Variants in MED13 observed in about 807,000 individuals in gnomAD.
MED13 encodes mediator complex subunit 13.
A neutral mutation model predicts 225.2 loss-of-function variants in MED13; 23 were observed. The observed-to-expected ratio is 0.10, with a 90% CI of 0.07 to 0.14. The LOEUF (loss-of-function observed/expected upper bound fraction) is 0.14. MED13 is among the 10% of genes least tolerant of loss of function. MED13 has a pLI of 1.00. For missense variants in MED13, 2,197 were observed against 2,594.5 expected, an observed-to-expected ratio of 0.85 and a Z score of 3.33; for synonymous variants, 942 against 889.2, an observed-to-expected ratio of 1.06 and a Z score of -1.06.
chr17:61,982,957 T>G lies in MED13; in HGVS notation c.3046A>C (p.Arg1016=). Residue 1016 remains arginine, a synonymous_variant, in exon 16 of 30, where the codon AGG becomes CGG. Coordinates refer to ENST00000397786, the MANE Select transcript of MED13 (RefSeq NM_005121.3). ...GCTCCACGAGGAGTCCGAGGAGTCC[T>G]TGGAGTCCTTGGAGTTGGAAACCGA... ...TPRFPTPRTP[R]TPRTPRGAGG... is the part of the protein sequence containing the mutation. 6.2e-7 allele frequency: 1 copy of G among 1,613,944 alleles called. No homozygotes were observed. Among genetic ancestry groups the G allele is most frequent in the East Asian group, 2.2e-5 (1 of 44,880 alleles).
At position 61,945,460 on chromosome 17, in the gene MED13, T is replaced by C. The variant is rs573329214; in HGVS notation, c.*1008A>G. ...AATTTAAGCATGTAACATTAAACAC[T>C]AAAATTAGTTTAAGCATTCAGTAGC... On this transcript the variant is annotated 3_prime_UTR_variant, in exon 30 of 30. Transcript: ENST00000397786. The C allele has an allele frequency of 5.2e-5, 8 of 152,734 alleles. No homozygotes were observed. The South Asian group carries it at 1.2e-3, about 24-fold the overall frequency. The allele number at this position is 152,734 out of a possible 1,614,324, so 9.5% of individuals were successfully genotyped here.
intron 1 of MED13, 36 bp downstream of exon 1, chr17:62,065,104 C>A (rs1423317110): frequency 1.3e-6 from 2 of 1,516,822 alleles, no homozygotes; most frequent in Admixed American, 4.2e-5. Context: ...ACCTCGCGGC[C>A]CCCCTCCCTC....
intron 19 of MED13, 31 bp downstream of exon 19, chr17:61,966,431 C>A: frequency 1.3e-6 from 2 of 1,547,338 alleles, no homozygotes; most frequent in South Asian, 1.2e-5. Context: ...TTGCTAACAC[C>A]AGCCTTATAC....
At chr17:62,015,944 ATATATATATATTTTTTTTTTT>A (rs1372236382) in intron 8 of MED13, among the ~76,000 whole-genome samples, 19 of 12,698 alleles carry the variant, frequency 1.5e-3, no homozygotes, top group Admixed American at 2.8e-3. Flanking sequence ...ATATATATAT[ATATATATATATTTTTTTTTTT>A]TTTTTTTTTT....
At chr17:62,058,859 A>G (rs974956351) in intron 2 of MED13, among the ~76,000 whole-genome samples, 1 of 152,250 alleles carries the variant, frequency 6.6e-6, no homozygotes, top group African/African-American at 2.4e-5. Flanking sequence ...AGTATGTATT[A>G]AATCAGACGT....
chr17:62,050,832 C>G (rs954322869), intron 3 of MED13, among the ~76,000 whole-genome samples: 5 of 152,054 alleles, frequency 3.3e-5, no homozygotes, highest in Non-Finnish European at 7.4e-5. Context: ...GGCAAAACCC[C>G]GTTTCTACTA....
At chr17:62,063,811 C>A (rs1166944621) in intron 1 of MED13, among the ~76,000 whole-genome samples, 3 of 152,194 alleles carry the variant, frequency 2.0e-5, no homozygotes, top group Non-Finnish European at 4.4e-5. Context: ...TAGCTACTCA[C>A]AAAGAACTGT....
chr17:62,062,085 G>A (rs908654909), intron 2 of MED13, among the ~76,000 whole-genome samples: 1 of 151,994 alleles, frequency 6.6e-6, no homozygotes. Context: ...AGATCCTATA[G>A]GTCAGAGATA....
chr17:62,065,130 C>A lies in MED13; in HGVS notation c.66+10G>T. The A allele has an allele frequency of 6.4e-7, 1 of 1,554,416 alleles. No individual in the cohort carries two copies. The highest frequency in any genetic ancestry group is 2.6e-5 in the East Asian group (1 of 39,034). On this transcript the variant is annotated intron_variant, in intron 1 of 29. Coordinates refer to ENST00000397786, the MANE Select transcript of MED13 (RefSeq NM_005121.3). The stretch of plus-strand genomic sequence containing the variant: ...CCCCTCCCTCGGCGCCCGCCGGCCC[C>A]GGCACTCACCAGGCAGAAGAGGTTA...
intron 3 of MED13, among the ~76,000 whole-genome samples, chr17:62,048,221 C>T (rs148528915): frequency 0.11 from 17,130 of 149,598 alleles, 1,231 homozygotes; most frequent in Non-Finnish European, 0.15. Context: ...GCCTAGCCAA[C>T]ATGGCGAAAC....
intron 17 of MED13, among the ~76,000 whole-genome samples, chr17:61,971,051 A>G (rs1017779739): frequency 1.3e-5 from 2 of 151,780 alleles, no homozygotes; most frequent in African/African-American, 4.8e-5. Context: ...ATAAAAATAC[A>G]CCCATGCTTT....
intron 27 of MED13, among the ~76,000 whole-genome samples, chr17:61,952,184 C>T (rs1214075855): frequency 2.0e-5 from 3 of 152,164 alleles, no homozygotes; most frequent in South Asian, 2.1e-4. Flanking sequence ...TGAGCCACCG[C>T]GCCCAGCCCA....
At chr17:62,001,601 T>C (rs2080395806) in intron 9 of MED13, among the ~76,000 whole-genome samples, 1 of 152,190 alleles carries the variant, frequency 6.6e-6, no homozygotes, top group South Asian at 2.1e-4. Context: ...TCAGGTCTCA[T>C]TTCTCATCAT....
At chr17:61,983,733 T>TC (rs963618534) in intron 15 of MED13, among the ~76,000 whole-genome samples, 22 of 109,324 alleles carry the variant, frequency 2.0e-4, no homozygotes, top group Non-Finnish European at 2.7e-4. Flanking sequence ...CAATTAACCT[T>TC]TTTTTTTTTT....
At chr17:61,969,085 G>A (rs893822867) in intron 17 of MED13, among the ~76,000 whole-genome samples, 3 of 152,124 alleles carry the variant, frequency 2.0e-5, no homozygotes, top group African/African-American at 7.2e-5. Context: ...GCTGGGTGCA[G>A]TGGCTCACAC....
chr17:62,042,955 G>GCC (rs1301102716), intron 3 of MED13, among the ~76,000 whole-genome samples: 1 of 151,894 alleles, frequency 6.6e-6, no homozygotes, highest in Non-Finnish European at 1.5e-5. Context: ...TTAGAGACCA[G>GCC]CCTGGTCAAC....
At chr17:61,995,105 G>C in intron 10 of MED13, 47 bp downstream of exon 10, 1 of 1,286,916 alleles carries the variant, frequency 7.8e-7, no homozygotes, top group Non-Finnish European at 1.1e-6. Context: ...TATATGCAGT[G>C]CTACAAAATC....
intron 19 of MED13, 27 bp downstream of exon 19, chr17:61,966,435 C>A: frequency 6.3e-7 from 1 of 1,579,954 alleles, no homozygotes; most frequent in African/African-American, 1.3e-5. Context: ...TAACACCAGC[C>A]TTATACAATA....
intron 6 of MED13, 25 bp from the exon 7 acceptor site, chr17:62,030,038 C>A (rs781288939): frequency 5.2e-5 from 77 of 1,477,632 alleles, no homozygotes; most frequent in Middle Eastern, 3.6e-4. Flanking sequence ...AAAAAACAGG[C>A]TGTAGGAGAA....
Sources: allele counts gnomAD v4.1 joint callset (sites outside exome capture counted in the v4.1 genomes callset), GRCh38; gene constraint gnomAD v4.1.1; transcripts MANE v1.5; gene names NCBI Gene and HGNC (gene_info 2026-07-23, HGNC 2026-07-21).